The following PTPRM variants were observed in gnomAD, a reference collection of about 807,000 sequenced individuals.
The protein encoded by PTPRM is protein tyrosine phosphatase receptor type M, also known as receptor-type tyrosine-protein phosphatase mu.
In PTPRM, 47 loss-of-function variants were observed where a neutral mutation model predicts 186.7. The observed-to-expected ratio is 0.25, with a 90% CI of 0.20 to 0.32. The LOEUF is 0.32. Among genes scored for constraint, PTPRM ranks in the 10% least tolerant of loss-of-function variants. PTPRM has a pLI of 1.00. For missense variants in PTPRM, 1,494 were observed against 1,865.0 expected (o/e 0.80, Z 3.66); for synonymous variants, 668 against 674.9 (o/e 0.99, Z 0.16).
At chr18:8,381,559 A>C (rs1290744328) in intron 29 of PTPRM, among the ~76,000 whole-genome samples, 1 of 152,192 alleles carries the variant, frequency 6.6e-6, no homozygotes, top group African/African-American at 2.4e-5. Flanking sequence ...AAAGCTGGTT[A>C]ATGAAATAGT....
intron 24 of PTPRM, among the ~76,000 whole-genome samples, chr18:8,372,966 G>T (rs997410551): frequency 6.6e-6 from 1 of 151,632 alleles, no homozygotes. Context: ...ACCTCTTATT[G>T]TACTCCCCTG....
intron 11 of PTPRM, among the ~76,000 whole-genome samples, chr18:8,097,620 AG>A (rs2091075009): frequency 6.6e-6 from 1 of 152,222 alleles, no homozygotes; most frequent in Admixed American, 6.5e-5. Flanking sequence ...TGTCTAGAAA[AG>A]TACAGGGTAC....
intron 22 of PTPRM, 106 bp downstream of exon 22, chr18:8,319,320 G>A (rs529340559): frequency 4.8e-5 from 37 of 766,792 alleles, no homozygotes; most frequent in Admixed American, 2.2e-4. Context: ...CATTTATTGC[G>A]GTTCTAGCCA....
At position 7,568,105 on chromosome 18, in the gene PTPRM, G is replaced by A. The variant is rs942946110; in HGVS notation, c.73+214G>A. On this transcript the variant is annotated intron_variant, in intron 1 of 32. Transcript: ENST00000580170. The surrounding 1 kb of genome is among the most constrained non-coding windows in gnomAD (Gnocchi z 5.1). ...CAGTCCTCGGGCGGGCGGAGCGGAC[G>A]GACCCCGAGGGCGAGCTCCCCAGCC... is the stretch of plus-strand genomic sequence containing the variant. Among the ~76,000 whole-genome samples, 1 of 151,928 alleles carries A rather than the reference G, an allele frequency of 6.6e-6. No individual in the cohort carries two copies. Among genetic ancestry groups the A allele is most frequent in the Admixed American group, 6.6e-5 (1 of 15,252 alleles).
chr18:8,296,111 A>T (rs957612381), intron 19 of PTPRM, among the ~76,000 whole-genome samples: 1 of 152,252 alleles, frequency 6.6e-6, no homozygotes, highest in Non-Finnish European at 1.5e-5. Flanking sequence ...TTACTCGGTT[A>T]TACAGAGAAA....
chr18:8,335,130 C>A (rs2095431601), intron 22 of PTPRM, among the ~76,000 whole-genome samples: 1 of 152,202 alleles, frequency 6.6e-6, no homozygotes. Flanking sequence ...TCTGAACTTG[C>A]AAATCTTATC....
intron 1 of PTPRM, among the ~76,000 whole-genome samples, chr18:7,645,883 T>TA: frequency 6.6e-6 from 1 of 152,276 alleles, no homozygotes; most frequent in African/African-American, 2.4e-5. Flanking sequence ...TGAGAGACAG[T>TA]AGCCAGGGTT....
At chr18:7,896,282 G>T (rs967449464) in intron 3 of PTPRM, among the ~76,000 whole-genome samples, 1 of 151,962 alleles carries the variant, frequency 6.6e-6, no homozygotes, top group Non-Finnish European at 1.5e-5. Context: ...TAAAAAAAAA[G>T]AACTCTGCTT....
chr18:7,835,427 A>T (rs1273352386), intron 2 of PTPRM, among the ~76,000 whole-genome samples: 1 of 151,702 alleles, frequency 6.6e-6, no homozygotes, highest in Non-Finnish European at 1.5e-5. Context: ...TTTTTATCCC[A>T]TTGTGGTCAG....
At chr18:8,370,826 A>G (rs1191699256) in intron 23 of PTPRM, 64 bp from the exon 24 acceptor site, 2 of 921,294 alleles carry the variant, frequency 2.2e-6, no homozygotes, top group African/African-American at 1.7e-5. Flanking sequence ...AGTGTGACCC[A>G]TCATGGGAGG....
intron 1 of PTPRM, among the ~76,000 whole-genome samples, chr18:7,607,080 A>G (rs770230090): frequency 1.1e-4 from 16 of 151,922 alleles, no homozygotes; most frequent in Middle Eastern, 3.2e-3. Context: ...TTCACAAAAG[A>G]CTTCAGAAAG....
chr18:7,824,117 T>A (rs1247334568), intron 2 of PTPRM, among the ~76,000 whole-genome samples: 1 of 152,136 alleles, frequency 6.6e-6, no homozygotes, highest in Non-Finnish European at 1.5e-5. Context: ...CACAGACAAA[T>A]CCCTGGTCTT....
chr18:7,725,453 G>A (rs1394076433), intron 1 of PTPRM, among the ~76,000 whole-genome samples: 5 of 152,176 alleles, frequency 3.3e-5, no homozygotes, highest in African/African-American at 1.2e-4. Flanking sequence ...CTATCCTCAA[G>A]CCAAAGAGCC....
At chr18:7,865,497 G>A (rs2047636792) in intron 2 of PTPRM, among the ~76,000 whole-genome samples, 2 of 152,148 alleles carry the variant, frequency 1.3e-5, no homozygotes, top group Admixed American at 1.3e-4. Context: ...TTATTGATTT[G>A]TGTATGTTGA....
chr18:8,201,540 A>C (rs1277754399), intron 14 of PTPRM, among the ~76,000 whole-genome samples: 1 of 152,146 alleles, frequency 6.6e-6, no homozygotes, highest in Non-Finnish European at 1.5e-5. Context: ...ACAAAATACG[A>C]TAGACTGGGT....
At chr18:8,145,695 G>A (rs1235028367) in intron 14 of PTPRM, among the ~76,000 whole-genome samples, 1 of 152,186 alleles carries the variant, frequency 6.6e-6, no homozygotes, top group Non-Finnish European at 1.5e-5. Context: ...GTGCGTATGT[G>A]CCACATTTTC....
At chr18:7,838,788 G>A (rs1158603327) in intron 2 of PTPRM, among the ~76,000 whole-genome samples, 2 of 152,238 alleles carry the variant, frequency 1.3e-5, no homozygotes, top group East Asian at 1.9e-4. Context: ...AGGGCCAAAG[G>A]TGCTGTCCCA....
At chr18:8,152,680 TTTTTTCTTTCTC>T (rs2093035939) in intron 14 of PTPRM, among the ~76,000 whole-genome samples, 1 of 151,208 alleles carries the variant, frequency 6.6e-6, no homozygotes, top group South Asian at 2.1e-4. Context: ...CCATATTTCC[TTTTTTCTTTCTC>T]TTTTTCTTAT....
At chr18:8,372,614 G>A (rs1382598481) in intron 24 of PTPRM, among the ~76,000 whole-genome samples, 1 of 151,658 alleles carries the variant, frequency 6.6e-6, no homozygotes, top group African/African-American at 2.4e-5. Context: ...TAATAAGCAG[G>A]CAGAAAGCTT....
Sources: gnomAD v4.1 joint callset for allele counts (sites outside exome capture counted in the v4.1 genomes callset) on GRCh38, gnomAD v4.1.1 for gene constraint, Gnocchi (gnomAD v3.1) non-coding constraint, MANE v1.5 for transcripts, NCBI Gene and HGNC (gene_info 2026-07-23, HGNC 2026-07-21) for gene names.